Variants in GPC3 observed in about 807,000 individuals in gnomAD.
GPC3 encodes the protein glypican 3.
GPC3 carries 3 observed loss-of-function variants against 34.4 expected under a neutral mutation model. The observed-to-expected ratio is 0.09, with a 90% confidence interval of 0.04 to 0.23. The LOEUF is 0.23. Among genes scored for constraint, GPC3 ranks in the 10% least tolerant of loss-of-function variants. The probability of loss-of-function intolerance (pLI) is 1.00; values close to 1 mark genes in which losing one functional copy is unlikely to be tolerated. For missense variants in GPC3, 351 were observed against 445.6 expected (o/e 0.79, Z 1.91); for synonymous variants, 177 against 174.0 (o/e 1.02, Z -0.13).
chrX:133,771,150 A>G (rs2124494268), intron 2 of GPC3, among the ~76,000 whole-genome samples: 1 of 112,341 alleles, frequency 8.9e-6, no homozygotes, highest in Admixed American at 9.4e-5. Flanking sequence ...AGGCCCGGGC[A>G]CTATTTTAAA....
intron 2 of GPC3, among the ~76,000 whole-genome samples, chrX:133,858,560 CT>C (rs776051898): frequency 4.5e-5 from 5 of 111,506 alleles, no homozygotes; most frequent in Non-Finnish European, 7.5e-5. Flanking sequence ...ATTTCTGCCA[CT>C]CTTGCATTTA....
intron 3 of GPC3, among the ~76,000 whole-genome samples, chrX:133,752,508 A>G (rs746656162): frequency 3.6e-5 from 4 of 111,705 alleles, no homozygotes; most frequent in Non-Finnish European, 5.6e-5. Flanking sequence ...ATGGTAGTGT[A>G]ATATACTATT....
intron 2 of GPC3, among the ~76,000 whole-genome samples, chrX:133,786,442 T>A (rs891574860): frequency 8.9e-6 from 1 of 112,589 alleles, no homozygotes; most frequent in Non-Finnish European, 1.9e-5. Flanking sequence ...ATAGGGTTTT[T>A]AAACACAACT....
intron 2 of GPC3, among the ~76,000 whole-genome samples, chrX:133,932,179 A>T (rs2076301468): frequency 8.9e-6 from 1 of 112,521 alleles, no homozygotes; most frequent in African/African-American, 3.2e-5. Context: ...CTCCCAAGAG[A>T]ACTAAATGGT....
chrX:133,944,697 A>G (rs1261469936), intron 2 of GPC3, among the ~76,000 whole-genome samples: 2 of 112,548 alleles, frequency 1.8e-5, no homozygotes, highest in African/African-American at 6.5e-5. Context: ...TTAAAAATGT[A>G]TATGTGCCAG....
intron 2 of GPC3, among the ~76,000 whole-genome samples, chrX:133,934,758 A>C (rs1603275260): frequency 9.6e-6 from 1 of 104,362 alleles, no homozygotes; most frequent in Admixed American, 1.0e-4. Context: ...TCCTGGGTTC[A>C]AGTGGTCCTC....
chrX:133,682,704 C>T (rs187428941), intron 5 of GPC3, among the ~76,000 whole-genome samples: 182 of 111,677 alleles, frequency 1.6e-3, no homozygotes, highest in African/African-American at 5.7e-3. Flanking sequence ...CGGTGGCTCA[C>T]GCCTGTAATC....
intron 3 of GPC3, among the ~76,000 whole-genome samples, chrX:133,719,376 T>C (rs139011109): frequency 7.1e-4 from 79 of 111,974 alleles, no homozygotes; most frequent in African/African-American, 2.4e-3. Context: ...GAAAACCCTA[T>C]GAGGTAAATG....
chrX:133,694,955 A>G (rs1432541531), intron 4 of GPC3, among the ~76,000 whole-genome samples: 6 of 111,438 alleles, frequency 5.4e-5, no homozygotes, highest in Non-Finnish European at 1.1e-4. Flanking sequence ...AAGGGTCAAG[A>G]TAAAAGTCTA....
chrX:133,652,016 C>A (rs2070609098), intron 6 of GPC3, among the ~76,000 whole-genome samples: 1 of 111,959 alleles, frequency 8.9e-6, no homozygotes. Context: ...TACTTGTAAC[C>A]ACCATGGTTG....
At chrX:133,564,460 G>A (rs935330015) in intron 7 of GPC3, among the ~76,000 whole-genome samples, 1 of 111,265 alleles carries the variant, frequency 9.0e-6, no homozygotes, top group African/African-American at 3.3e-5. Flanking sequence ...TCATGAGCAA[G>A]TCAGAGACTC....
At chrX:133,876,634 A>C (rs911965755) in intron 2 of GPC3, among the ~76,000 whole-genome samples, 3 of 112,420 alleles carry the variant, frequency 2.7e-5, no homozygotes, top group Admixed American at 1.9e-4. Flanking sequence ...CAGACAAAAA[A>C]GGCCAAGATG....
intron 2 of GPC3, among the ~76,000 whole-genome samples, chrX:133,942,389 T>C (rs1428101401): frequency 1.8e-5 from 2 of 111,528 alleles, no homozygotes; most frequent in Admixed American, 1.9e-4. Flanking sequence ...TTTCCAACAA[T>C]AGAGAGGGTT....
Position 133,575,293 on chromosome X carries a change from C to T in GPC3, c.1573+21147G>A, listed in dbSNP as rs1004984376. On this transcript the variant is annotated intron_variant, in intron 7 of 7. Coordinates refer to ENST00000370818, the MANE Select transcript of GPC3 (RefSeq NM_004484.4). ...ATTAGCAGTAAGTGCTATTATGTTT[C>T]TGACTATTATTATTATCATTATTTT... 4.5e-5 allele frequency among the ~76,000 whole-genome samples: 5 copies of T among 111,917 alleles called. No individual in the cohort carries two copies. The East Asian group carries it at 1.4e-3, about 31-fold the overall frequency.
intron 5 of GPC3, among the ~76,000 whole-genome samples, chrX:133,668,263 T>C (rs1269579299): frequency 3.6e-5 from 4 of 111,797 alleles, no homozygotes; most frequent in African/African-American, 1.3e-4. Context: ...AAAGATAGTA[T>C]ATTAGTGAGG....
At chrX:133,966,551 C>T (rs965905806) in intron 1 of GPC3, among the ~76,000 whole-genome samples, 17 of 112,121 alleles carry the variant, frequency 1.5e-4, no homozygotes, top group African/African-American at 4.9e-4. Flanking sequence ...GTAAATAATC[C>T]GTGCCCTCTA....
At chrX:133,878,680 C>G (rs2076028153) in intron 2 of GPC3, among the ~76,000 whole-genome samples, 1 of 111,797 alleles carries the variant, frequency 8.9e-6, no homozygotes, top group Non-Finnish European at 1.9e-5. Context: ...CTGCTGCAAA[C>G]TTCTTAGCTG....
At chrX:133,742,247 G>A (rs2071570501) in intron 3 of GPC3, among the ~76,000 whole-genome samples, 1 of 111,871 alleles carries the variant, frequency 8.9e-6, no homozygotes, top group South Asian at 3.8e-4. Context: ...ATTGGCCAGA[G>A]GTTGGGGACA....
chrX:133,664,837 G>T (rs188771962), intron 5 of GPC3, among the ~76,000 whole-genome samples: 2 of 109,530 alleles, frequency 1.8e-5, no homozygotes, highest in African/African-American at 6.6e-5. Context: ...ATAGCCGGGC[G>T]TGGTGGTGCA....
Sources: allele counts gnomAD v4.1 joint callset (sites outside exome capture counted in the v4.1 genomes callset), GRCh38; gene constraint gnomAD v4.1.1; transcripts MANE v1.5; gene names NCBI Gene and HGNC (gene_info 2026-07-23, HGNC 2026-07-21).